RYR3: variants seen among roughly 807,000 people sequenced by gnomAD.
RYR3 encodes the protein ryanodine receptor 3.
Under a neutral mutation model 584.3 loss-of-function variants are expected in RYR3, and 207 were observed. That is an observed-to-expected ratio of 0.35 (90% CI 0.32 to 0.40). The LOEUF is 0.40. Ranked by LOEUF, RYR3 falls within the 10% of genes least tolerant of loss-of-function variation. RYR3 has a pLI of 1.00. For synonymous variants in RYR3, 2,416 were observed against 2,248.5 expected, an observed-to-expected ratio of 1.07 and a Z score of -2.11; for missense variants, 5,616 against 6,089.2, an observed-to-expected ratio of 0.92 and a Z score of 2.59.
intron 42 of RYR3, among the ~76,000 whole-genome samples, chr15:33,702,863 A>G: frequency 6.6e-6 from 1 of 152,154 alleles, no homozygotes; most frequent in Admixed American, 6.5e-5. Flanking sequence ...CAAATCTAGT[A>G]TCTGAGAAGC....
At chr15:33,634,862 A>G in intron 25 of RYR3, 129 bp downstream of exon 25, 1 of 733,372 alleles carries the variant, frequency 1.4e-6, no homozygotes, top group Non-Finnish European at 2.3e-6. Context: ...GCACTAGACT[A>G]AATGGTGTGA....
At chr15:33,722,590 G>T (rs187796619) in intron 43 of RYR3, 125 bp from the exon 44 acceptor site, 1 of 911,530 alleles carries the variant, frequency 1.1e-6, no homozygotes, top group Non-Finnish European at 1.7e-6. Flanking sequence ...CACTTGACTG[G>T]CCTAAACCAA....
At chr15:33,670,708 G>T (rs963841853) in intron 38 of RYR3, among the ~76,000 whole-genome samples, 152 bp downstream of exon 38, 1 of 152,120 alleles carries the variant, frequency 6.6e-6, no homozygotes, top group Non-Finnish European at 1.5e-5. Flanking sequence ...GTTCAGTTAC[G>T]TATTTTGGGT....
intron 23 of RYR3, 144 bp downstream of exon 23, chr15:33,631,437 T>C: frequency 1.7e-6 from 1 of 587,532 alleles, no homozygotes; most frequent in Non-Finnish European, 3.0e-6. Flanking sequence ...TAGATGACAC[T>C]GAAGCCCTCA....
intron 3 of RYR3, among the ~76,000 whole-genome samples, chr15:33,517,502 C>T (rs1420172958): frequency 2.6e-5 from 4 of 152,144 alleles, no homozygotes; most frequent in African/African-American, 7.2e-5. Flanking sequence ...ATCTTAAATT[C>T]GCATCTCTTT....
intron 1 of RYR3, among the ~76,000 whole-genome samples, chr15:33,442,552 C>A (rs149760972): frequency 1.3e-5 from 2 of 152,172 alleles, no homozygotes; most frequent in Non-Finnish European, 2.9e-5. Flanking sequence ...TTTGCAAAGA[C>A]GTATCATGTA....
At chr15:33,553,178 C>G (rs1414682528) in intron 10 of RYR3, among the ~76,000 whole-genome samples, 1 of 152,066 alleles carries the variant, frequency 6.6e-6, no homozygotes, top group Non-Finnish European at 1.5e-5. Context: ...TGATCCTTTC[C>G]ATATGTTGGA....
chr15:33,638,112 T>C (rs2061598716), intron 27 of RYR3, among the ~76,000 whole-genome samples: 1 of 152,218 alleles, frequency 6.6e-6, no homozygotes, highest in South Asian at 2.1e-4. Flanking sequence ...TAAAGTCAAA[T>C]GGAGTCATAT....
intron 18 of RYR3, 57 bp from the exon 19 acceptor site, chr15:33,613,126 C>T: frequency 2.8e-6 from 4 of 1,407,250 alleles, no homozygotes; most frequent in East Asian, 2.4e-5. Context: ...GAGCCTTTCT[C>T]AGCCTAGCAG....
chr15:33,457,937 G>A (rs987277251), intron 1 of RYR3, among the ~76,000 whole-genome samples: 3 of 152,176 alleles, frequency 2.0e-5, no homozygotes, highest in African/African-American at 4.8e-5. Flanking sequence ...CGGTTTGGGA[G>A]TGGATTGGGG....
intron 38 of RYR3, among the ~76,000 whole-genome samples, chr15:33,685,195 A>C (rs1414754961): frequency 2.0e-5 from 3 of 152,248 alleles, no homozygotes; most frequent in Admixed American, 2.0e-4. Flanking sequence ...TGTATTCGGG[A>C]GACCCATTTC....
intron 21 of RYR3, among the ~76,000 whole-genome samples, chr15:33,628,893 G>C (rs1336250700): frequency 1.3e-5 from 2 of 152,164 alleles, no homozygotes; most frequent in African/African-American, 4.8e-5. Context: ...TGTTTAATAT[G>C]GTTTTCAGAT....
At chr15:33,528,329 T>G (rs2054569697) in intron 3 of RYR3, among the ~76,000 whole-genome samples, 1 of 152,168 alleles carries the variant, frequency 6.6e-6, no homozygotes, top group South Asian at 2.1e-4. Flanking sequence ...AACCAGCGAA[T>G]GGTCTGCAAG....
chr15:33,367,700 C>G (rs1333204344), intron 1 of RYR3, among the ~76,000 whole-genome samples: 4 of 152,118 alleles, frequency 2.6e-5, no homozygotes, highest in Admixed American at 2.6e-4. Flanking sequence ...AACAGCCAGA[C>G]CCATTTTTAT....
intron 3 of RYR3, among the ~76,000 whole-genome samples, chr15:33,504,063 A>C (rs2052247694): frequency 6.6e-6 from 1 of 152,256 alleles, no homozygotes. Flanking sequence ...GAGATTGAGC[A>C]TGCCTGTGAG....
At chr15:33,448,986 T>A (rs1404405767) in intron 1 of RYR3, among the ~76,000 whole-genome samples, 1 of 152,206 alleles carries the variant, frequency 6.6e-6, no homozygotes, top group Non-Finnish European at 1.5e-5. Flanking sequence ...CGCAAGGGCC[T>A]GAGAAGTAGT....
At chr15:33,596,518 C>A (rs1033285222) in intron 16 of RYR3, among the ~76,000 whole-genome samples, 4 of 147,178 alleles carry the variant, frequency 2.7e-5, no homozygotes, top group African/African-American at 5.1e-5. Context: ...TTTCTGACTT[C>A]TTTTTATTTA....
intron 85 of RYR3, among the ~76,000 whole-genome samples, chr15:33,829,955 A>T (rs550305408): frequency 6.3e-4 from 96 of 152,334 alleles, no homozygotes; most frequent in African/African-American, 2.3e-3. Context: ...GAATTGCTGC[A>T]ATCTCATGAT....
At chr15:33,372,358 A>ATTT (rs59663566) in intron 1 of RYR3, among the ~76,000 whole-genome samples, 27 of 75,550 alleles carry the variant, frequency 3.6e-4, no homozygotes, top group Admixed American at 8.1e-4. Context: ...TGCCCGGCTA[A>ATTT]TTTTTTTTTT....
Sources: allele counts gnomAD v4.1 joint callset (sites outside exome capture counted in the v4.1 genomes callset), GRCh38; gene constraint gnomAD v4.1.1; transcripts MANE v1.5; gene names NCBI Gene and HGNC (gene_info 2026-07-23, HGNC 2026-07-21).